Variants in SLC9B2 observed in about 807,000 individuals in gnomAD.
SLC9B2 encodes sodium/hydrogen exchanger 9B2.
Under a neutral mutation model 52.2 loss-of-function variants are expected in SLC9B2, and 39 were observed. The observed-to-expected ratio is 0.75, with a 90% CI of 0.58 to 0.98. SLC9B2 has a LOEUF of 0.98. Among genes scored for constraint, SLC9B2 ranks in the 50% least tolerant of loss-of-function variants. The pLI is 0.00. For missense variants in SLC9B2, 626 were observed against 637.5 expected (o/e 0.98, Z 0.19); for synonymous variants, 214 against 227.0 (o/e 0.94, Z 0.51).
chr4:103,035,897 G>T (rs1240648253), intron 9 of SLC9B2, among the ~76,000 whole-genome samples: 1 of 152,112 alleles, frequency 6.6e-6, no homozygotes, highest in Non-Finnish European at 1.5e-5. Context: ...CGGTAGACTA[G>T]ATAAAGAAAA....
intron 9 of SLC9B2, among the ~76,000 whole-genome samples, chr4:103,033,767 C>A (rs1016066163): frequency 3.9e-5 from 6 of 152,064 alleles, no homozygotes; most frequent in African/African-American, 1.4e-4. Context: ...GGTAAAAAAT[C>A]TCTACAATGA....
intron 9 of SLC9B2, 111 bp from the exon 10 acceptor site, chr4:103,031,919 G>C: frequency 9.5e-7 from 1 of 1,048,166 alleles, no homozygotes. Flanking sequence ...CTTTATTTCT[G>C]TGCCATCTAT....
intron 1 of SLC9B2, among the ~76,000 whole-genome samples, chr4:103,068,886 T>C (rs1031001073): frequency 1.3e-5 from 2 of 152,168 alleles, no homozygotes; most frequent in African/African-American, 2.4e-5. Flanking sequence ...CCTCAAGGAA[T>C]CATTTTCTCT....
At chr4:103,041,576 CT>C (rs1382445829) in intron 9 of SLC9B2, among the ~76,000 whole-genome samples, 2 of 152,074 alleles carry the variant, frequency 1.3e-5, no homozygotes, top group Non-Finnish European at 2.9e-5. Context: ...GCTAAAACTA[CT>C]TTTTTATGCT....
chr4:103,073,601 C>A (rs1481327787), intron 1 of SLC9B2, among the ~76,000 whole-genome samples: 5 of 152,124 alleles, frequency 3.3e-5, no homozygotes, highest in Non-Finnish European at 7.3e-5. Flanking sequence ...GGCCAAGTTA[C>A]CAAAGGAAAA....
chr4:103,048,282 T>C (rs1053373723), intron 6 of SLC9B2, among the ~76,000 whole-genome samples: 1 of 152,182 alleles, frequency 6.6e-6, no homozygotes, highest in Non-Finnish European at 1.5e-5. Flanking sequence ...AATTTTATAA[T>C]TGAGGAAACT....
chr4:103,037,083 A>C (rs1243609448), intron 9 of SLC9B2, among the ~76,000 whole-genome samples: 1 of 152,162 alleles, frequency 6.6e-6, no homozygotes, highest in African/African-American at 2.4e-5. Flanking sequence ...ATGTGTCTAC[A>C]TGGTCCCTAT....
Position 103,076,489 on chromosome 4 carries a change from C to T in SLC9B2, c.-348G>A, listed in dbSNP as rs1357301465. On this transcript the variant is annotated 5_prime_UTR_variant, in exon 1 of 12. Transcript: ENST00000394785. ...GGTCCGGGGCCCGCAGCGGCAGCCC[C>T]GTGTGCCCTCCGCCGGGTTTCAGGT... The T allele has an allele frequency of 6.6e-6, 1 of 152,240 alleles. No individual in the cohort carries two copies. Among genetic ancestry groups the T allele is most frequent in the Admixed American group, 6.5e-5 (1 of 15,290 alleles). 9.4% of individuals were successfully genotyped at this position (152,240 alleles called of 1,614,324 possible).
downstream of SLC9B2, among the ~76,000 whole-genome samples, chr4:103,018,815 A>G (rs945379710): frequency 6.6e-6 from 1 of 152,202 alleles, no homozygotes; most frequent in Non-Finnish European, 1.5e-5. Context: ...GCAGACAGGT[A>G]CAGGTTTGTG....
In SLC9B2 at chr4:103,043,322, C is replaced by T; in HGVS notation, c.1120G>A (p.Ala374Thr). The change falls in exon 9 of 12, where the codon GCA (alanine) becomes ACA (threonine). Residue 374 changes from alanine (A) to threonine (T), a missense_variant. By Grantham distance (58) the Ala-to-Thr change is moderately conservative (BLOSUM62 0). Coordinates refer to ENST00000394785, the MANE Select transcript of SLC9B2 (RefSeq NM_178833.7). ...GLCTLVMAFL[A>T]GMGWTSEKAE... ...TTTTCGCTGGTCCATCCCATGCCTGCAAGGAAAGCCATGACCAACGTGCAC... is the reference window on the plus strand; with the variant it reads ...TTTTCGCTGGTCCATCCCATGCCTGTAAGGAAAGCCATGACCAACGTGCAC... The T allele has an allele frequency of 1.9e-6, 3 of 1,611,160 alleles. No homozygotes were observed. The highest frequency in any genetic ancestry group is 2.5e-6 in the Non-Finnish European group (3 of 1,179,198).
intron 11 of SLC9B2, among the ~76,000 whole-genome samples, chr4:103,027,385 A>G (rs1276374940): frequency 6.6e-6 from 1 of 152,182 alleles, no homozygotes; most frequent in East Asian, 1.9e-4. Context: ...ACGTCATGAA[A>G]CATGAAAATA....
intron 10 of SLC9B2, among the ~76,000 whole-genome samples, chr4:103,029,297 G>A (rs951925537): frequency 6.6e-6 from 1 of 152,066 alleles, no homozygotes; most frequent in African/African-American, 2.4e-5. Context: ...CAAAGTCAGA[G>A]AAAGACACAT....
rs1294807141 is a variant in SLC9B2 at position 103,023,531 on chromosome 4, T to C, written c.*2839A>G. 6.6e-6 allele frequency among the ~76,000 whole-genome samples: 1 copy of C among 152,202 alleles called. No homozygotes were observed. The highest frequency in any genetic ancestry group is 2.4e-5 in the African/African-American group (1 of 41,426). Reference sequence around the variant, plus strand: ...GGTGAGCCCTGCTGAATGGTCAGCCTCTGTCATTCTTGACCTCACCATCTC... The same window carrying C: ...GGTGAGCCCTGCTGAATGGTCAGCCCCTGTCATTCTTGACCTCACCATCTC... On this transcript the variant is annotated 3_prime_UTR_variant, in exon 12 of 12. Transcript: ENST00000394785.
rs73835140 is a variant in SLC9B2, at chr4:103,073,613, A to T, written c.-43+2571T>A. Among the ~76,000 whole-genome samples, 663 of 152,354 alleles carry T rather than the reference A, an allele frequency of 4.4e-3. 4 individuals are homozygous for T. Among genetic ancestry groups the T allele is most frequent in the African/African-American group, 0.015 (605 of 41,568 alleles). ...TGTGGCCAAGTTACCAAAGGAAAAC[A>T]ACCGCTATTTTATTTGGTTAATTGA... On this transcript the variant is annotated intron_variant, in intron 1 of 11. Coordinates refer to ENST00000394785, the MANE Select transcript of SLC9B2 (RefSeq NM_178833.7).
intron 4 of SLC9B2, among the ~76,000 whole-genome samples, chr4:103,054,525 C>T (rs2110630596): frequency 6.6e-6 from 1 of 152,290 alleles, no homozygotes; most frequent in Non-Finnish European, 1.5e-5. Flanking sequence ...CAATGAATAT[C>T]TTAGGCTTTG....
Position 103,025,508 on chromosome 4 carries a change from G to T in SLC9B2, c.*862C>A, listed in dbSNP as rs1163925427. The T allele has an allele frequency of 1.3e-5, 2 of 152,108 alleles. No homozygotes were observed. Among genetic ancestry groups the T allele is most frequent in the Non-Finnish European group, 2.9e-5 (2 of 68,010 alleles). 9.4% of individuals were successfully genotyped at this position (152,108 alleles called of 1,614,324 possible). On this transcript the variant is annotated 3_prime_UTR_variant, in exon 12 of 12. Transcript: ENST00000394785. The stretch of plus-strand genomic sequence containing the variant: ...CAGCCAGTTTCATTAGACAGAAATA[G>T]AATTTTATTTTCTTTTAAGCACTGT...
At chr4:103,026,848 T>TA (rs907628044) in intron 11 of SLC9B2, among the ~76,000 whole-genome samples, 18 of 151,404 alleles carry the variant, frequency 1.2e-4, no homozygotes, top group Middle Eastern at 3.2e-3. Flanking sequence ...AATAATAAAA[T>TA]AAAAAAAAAG....
chr4:103,019,157 G>C (rs570374279), downstream of SLC9B2, among the ~76,000 whole-genome samples: 2 of 152,214 alleles, frequency 1.3e-5, no homozygotes, highest in South Asian at 4.1e-4. Flanking sequence ...GCGTGGATGT[G>C]GGTGGGTGGG....
downstream of SLC9B2, chr4:103,019,483 T>G: frequency 1.5e-6 from 1 of 655,416 alleles, no homozygotes; most frequent in Non-Finnish European, 1.9e-6. Flanking sequence ...AGAATCCCAT[T>G]GAACTGAGGG....
Sources: allele counts gnomAD v4.1 joint callset (sites outside exome capture counted in the v4.1 genomes callset), GRCh38; gene constraint gnomAD v4.1.1; transcripts MANE v1.5; gene names NCBI Gene and HGNC (gene_info 2026-07-23, HGNC 2026-07-21).